WFDC3: variants seen among roughly 807,000 people sequenced by gnomAD.
WFDC3 encodes the protein WAP four-disulfide core domain protein 3.
WFDC3 carries 15 observed loss-of-function variants against 25.8 expected under a neutral mutation model. The observed-to-expected ratio is 0.58, with a 90% CI of 0.39 to 0.89. The LOEUF is 0.89. WFDC3 is among the 40% of genes least tolerant of loss of function. The pLI, the probability that WFDC3 is intolerant of heterozygous loss-of-function variation, is 0.00. For missense variants in WFDC3, 264 were observed against 289.8 expected, an observed-to-expected ratio of 0.91 and a Z score of 0.65; for synonymous variants, 103 against 107.1, an observed-to-expected ratio of 0.96 and a Z score of 0.24.
chr20:45,791,130 A>AGATAATT lies in WFDC3; in HGVS notation c.-8+695_-8+701dup, dbSNP rs983872441. ...TTAGAAGGCTGATGTTGGCTCATGG[A>AGATAATT]GATAATTAACATTTGATGATGACCT... On this transcript the variant is annotated intron_variant, in intron 1 of 6. Transcript: ENST00000243938. Among the ~76,000 whole-genome samples, 4 of 140,238 alleles carry AGATAATT rather than the reference A, an allele frequency of 2.9e-5. No individual in the cohort carries two copies. The Admixed American group carries it at 2.9e-4, about 10-fold the overall frequency. 92.0% of individuals were successfully genotyped at this position (140,238 alleles called of 152,430 possible). A position where few individuals can be genotyped will look rare whatever the true frequency, so the allele number is the denominator to read the frequency against.
At chr20:45,784,873 C>T (rs530988023) in intron 4 of WFDC3, among the ~76,000 whole-genome samples, 2 of 152,306 alleles carry the variant, frequency 1.3e-5, no homozygotes, top group African/African-American at 4.8e-5. Context: ...ATTCTTCCCA[C>T]CTTACAGAGA....
rs773835512 is a variant in WFDC3 at position 45,790,724 on chromosome 20, C to CA, written c.-7-743dup. On this transcript the variant is annotated intron_variant, in intron 1 of 6. Coordinates refer to ENST00000243938, the MANE Select transcript of WFDC3 (RefSeq NM_080614.2). Reference sequence around the variant, plus strand: ...TGGGTAACAGAGTGAGACTCTGTCTCAAAAAAAAAAAAAAGAGAGAAAAGA... The same window carrying CA: ...TGGGTAACAGAGTGAGACTCTGTCTCAAAAAAAAAAAAAAAGAGAGAAAAGA... Among the ~76,000 whole-genome samples, 725 of 104,250 alleles carry CA rather than the reference C, an allele frequency of 7.0e-3. 4 individuals are homozygous for CA. Among genetic ancestry groups the CA allele is most frequent in the African/African-American group, 0.014 (396 of 28,150 alleles). 68.4% of individuals were successfully genotyped at this position (104,250 alleles called of 152,430 possible). A position where few individuals can be genotyped will look rare whatever the true frequency, so the allele number is the denominator to read the frequency against.
chr20:45,786,183 A>C (rs1401788451), intron 4 of WFDC3, among the ~76,000 whole-genome samples: 1 of 152,200 alleles, frequency 6.6e-6, no homozygotes, highest in African/African-American at 2.4e-5. Flanking sequence ...TGAGGCCAGG[A>C]GTGTGAGACC....
chr20:45,790,174 T>C, intron 1 of WFDC3, 192 bp from the exon 2 acceptor site: 1 of 518,424 alleles, frequency 1.9e-6, no homozygotes, highest in Non-Finnish European at 3.4e-6. Context: ...GGAAAATTCC[T>C]GGCACTACCA....
chr20:45,778,930 G>A (rs1340062856), intron 4 of WFDC3: 1 of 151,224 alleles, frequency 6.6e-6, no homozygotes, highest in Non-Finnish European at 1.5e-5. Context: ...CACCATCCCA[G>A]CCTCAGGAAT....
At chr20:45,782,198 C>T (rs6130930) in intron 4 of WFDC3, among the ~76,000 whole-genome samples, 67,400 of 151,784 alleles carry the variant, frequency 0.44, 18,127 homozygotes, top group Non-Finnish European at 0.6. Flanking sequence ...AAGAACACCA[C>T]CATCACCCAA....
chr20:45,786,357 G>A (rs1980667237), intron 4 of WFDC3, among the ~76,000 whole-genome samples: 1 of 152,206 alleles, frequency 6.6e-6, no homozygotes, highest in Admixed American at 6.5e-5. Context: ...TCGTGCCACT[G>A]CACTCCAGCC....
In WFDC3 at chr20:45,774,296, C is replaced by T; in HGVS notation, c.*132G>A. 1 of 1,244,498 alleles carries T rather than the reference C, an allele frequency of 8.0e-7. No individual in the cohort carries two copies. Among genetic ancestry groups the T allele is most frequent in the East Asian group, 2.3e-5 (1 of 42,988 alleles). 77.1% of individuals were successfully genotyped at this position (1,244,498 alleles called of 1,614,324 possible). A position where few individuals can be genotyped will look rare whatever the true frequency, so the allele number is the denominator to read the frequency against. ...CTATTTCCCATGCTCTGGTCAGCGG[C>T]AGGAGGAGAAGCAGAGCAGAGAGGG... is the stretch of plus-strand genomic sequence containing the variant. On this transcript the variant is annotated 3_prime_UTR_variant, in exon 7 of 7. Coordinates refer to ENST00000243938, the MANE Select transcript of WFDC3 (RefSeq NM_080614.2).
intron 5 of WFDC3, among the ~76,000 whole-genome samples, chr20:45,776,304 G>T (rs1980147973): frequency 7.0e-6 from 1 of 142,752 alleles, no homozygotes; most frequent in Non-Finnish European, 1.5e-5. Flanking sequence ...GTGTGTGTGT[G>T]TGTGTGTGTG....
rs748526658 is a variant in WFDC3, at chr20:45,775,426, A to C, written c.670T>G (p.Ser224Ala). The C allele has an allele frequency of 6.2e-7, 1 of 1,614,074 alleles. No homozygotes were observed. The highest frequency in any genetic ancestry group is 8.5e-7 in the Non-Finnish European group (1 of 1,179,960). The change falls in exon 6 of 7, where the codon TCC (serine) becomes GCC (alanine). Residue 224 changes from serine (S) to alanine (A), a missense_variant. By Grantham distance (99) the Ser-to-Ala change is moderately conservative. Coordinates refer to ENST00000243938, the MANE Select transcript of WFDC3 (RefSeq NM_080614.2). ...AATGGACTGTACTCACCTAATTCGG[A>C]ATCAGACCTCACAGTCCAGTTGGGG... ...MNPNWTVRSD[S>A]ELEIPVP
chr20:45,779,546 GT>G (rs1286619125), intron 4 of WFDC3, among the ~76,000 whole-genome samples: 2 of 152,022 alleles, frequency 1.3e-5, no homozygotes, highest in African/African-American at 4.8e-5. Flanking sequence ...TGTGGTCACT[GT>G]AACCACCAAA....
At chr20:45,789,143 T>G in intron 2 of WFDC3, 84 bp from the exon 3 acceptor site, 1 of 1,550,494 alleles carries the variant, frequency 6.4e-7, no homozygotes, top group Non-Finnish European at 8.7e-7. Context: ...CAGGCATCTC[T>G]ATCCAAAATA....
At chr20:45,787,282 CTTTTTTTTTT>C (rs1158318114) in intron 4 of WFDC3, among the ~76,000 whole-genome samples, 1 of 73,686 alleles carries the variant, frequency 1.4e-5, no homozygotes, top group Non-Finnish European at 2.7e-5. Flanking sequence ...TTTCTTTTTT[CTTTTTTTTTT>C]TTTTTTTTTT....
At chr20:45,784,082 G>A (rs1208217478) in intron 4 of WFDC3, among the ~76,000 whole-genome samples, 1 of 152,204 alleles carries the variant, frequency 6.6e-6, no homozygotes, top group Non-Finnish European at 1.5e-5. Context: ...GTGCCTGGGT[G>A]CCAGCCTCGC....
At chr20:45,784,954 C>A (rs1318813194) in intron 4 of WFDC3, among the ~76,000 whole-genome samples, 1 of 152,184 alleles carries the variant, frequency 6.6e-6, no homozygotes, top group Non-Finnish European at 1.5e-5. Context: ...CAGGCTTGAA[C>A]CCAGGACTCC....
At chr20:45,787,288 T>TC (rs1215481582) in intron 4 of WFDC3, among the ~76,000 whole-genome samples, 85 of 112,088 alleles carry the variant, frequency 7.6e-4, no homozygotes, top group African/African-American at 2.8e-3. Context: ...TTTTCTTTTT[T>TC]TTTTTTTTTT....
intron 5 of WFDC3, among the ~76,000 whole-genome samples, chr20:45,776,635 A>T (rs866078759): frequency 0.074 from 6,847 of 92,290 alleles, 374 homozygotes; most frequent in Non-Finnish European, 0.11. Flanking sequence ...AAAAAAAAAA[A>T]ATATATATAT....
intron 5 of WFDC3, among the ~76,000 whole-genome samples, chr20:45,776,274 A>ATCTC (rs1254962037): frequency 1.3e-5 from 1 of 79,844 alleles, no homozygotes; most frequent in Non-Finnish European, 3.0e-5. Context: ...GAATGCTTTT[A>ATCTC]TCTCTGTGTG....
intron 4 of WFDC3, among the ~76,000 whole-genome samples, chr20:45,783,137 C>A (rs7265739): frequency 6.6e-6 from 1 of 152,110 alleles, no homozygotes. Flanking sequence ...GACCCACATG[C>A]CAGGTAGGGT....
Sources: allele counts gnomAD v4.1 joint callset (sites outside exome capture counted in the v4.1 genomes callset), GRCh38; gene constraint gnomAD v4.1.1; transcripts MANE v1.5; gene names NCBI Gene and HGNC (gene_info 2026-07-23, HGNC 2026-07-21).